RTN1: variants seen among roughly 807,000 people sequenced by gnomAD.
RTN1 encodes reticulon-1.
RTN1 carries 25 observed loss-of-function variants against 65.5 expected under a neutral mutation model. The observed-to-expected ratio is 0.38, with a 90% CI of 0.28 to 0.53. The LOEUF (loss-of-function observed/expected upper bound fraction) is 0.53. Ranked by LOEUF, RTN1 falls within the 20% of genes least tolerant of loss-of-function variation. RTN1 has a pLI of 0.79. For missense variants in RTN1, 983 were observed against 1,025.4 expected (o/e 0.96, Z 0.57); for synonymous variants, 471 against 447.6 (o/e 1.05, Z -0.66).
At chr14:59,720,630 G>A (rs1321403712) in intron 3 of RTN1, among the ~76,000 whole-genome samples, 1 of 151,940 alleles carries the variant, frequency 6.6e-6, no homozygotes, top group Non-Finnish European at 1.5e-5. Flanking sequence ...GGCTGAAGCA[G>A]GAGAATTGCT....
chr14:59,626,053 G>T (rs1222561855), intron 3 of RTN1, among the ~76,000 whole-genome samples: 2 of 151,896 alleles, frequency 1.3e-5, no homozygotes, highest in African/African-American at 4.8e-5. Flanking sequence ...AATAATAATG[G>T]GTCTAAATAA....
intron 3 of RTN1, among the ~76,000 whole-genome samples, chr14:59,670,581 T>C (rs1473909484): frequency 2.6e-5 from 4 of 152,234 alleles, no homozygotes; most frequent in Non-Finnish European, 5.9e-5. Flanking sequence ...AAAACTCACA[T>C]CTGATGTTAA....
intron 1 of RTN1, among the ~76,000 whole-genome samples, chr14:59,748,209 G>GGTTT (rs984918073): frequency 2.1e-5 from 2 of 94,582 alleles, no homozygotes; most frequent in African/African-American, 8.8e-5. Context: ...CAGTCTGTGA[G>GGTTT]GTTTTTTTTT....
intron 1 of RTN1, among the ~76,000 whole-genome samples, chr14:59,817,647 A>G (rs553798422): frequency 2.6e-4 from 39 of 150,354 alleles, no homozygotes; most frequent in African/African-American, 9.5e-4. Flanking sequence ...TTTTTTTAAG[A>G]AAGATTTTGA....
chr14:59,870,558 G>C lies in RTN1; in HGVS notation c.73C>G (p.Arg25Gly). The change falls in exon 1 of 9, where the codon CGG becomes GGG. Residue 25 changes from arginine (R) to glycine (G), a missense_variant. This residue lies in a region of RTN1 where 818 missense variants were observed against 801.8 expected (regional missense o/e 1.02). Coordinates refer to ENST00000267484, the MANE Select transcript of RTN1 (RefSeq NM_021136.3). This position sits in a 1 kb window ranked among gnomAD's most constrained non-coding sequence, Gnocchi z 5.1. Reference sequence around the variant, plus strand: ...ACCGCTTCGTTCTCCCCCTCCCCCCGGTGCCTGAGCCACTGGGACCCGGGG... The same window carrying C: ...ACCGCTTCGTTCTCCCCCTCCCCCCCGTGCCTGAGCCACTGGGACCCGGGG... The part of the protein sequence containing the change: ...AGPGSQWLRH[R>G]GEGENEAVTP... 6.9e-7 allele frequency: 1 copy of C among 1,456,658 alleles called. No homozygotes were observed. Among genetic ancestry groups the C allele is most frequent in the East Asian group, 3.1e-5 (1 of 32,746 alleles). 90.2% of individuals were successfully genotyped at this position (1,456,658 alleles called of 1,614,324 possible).
intron 2 of RTN1, among the ~76,000 whole-genome samples, chr14:59,743,263 A>T (rs1885149806): frequency 6.6e-6 from 1 of 152,154 alleles, no homozygotes; most frequent in South Asian, 2.1e-4. Context: ...AAATTCCCTA[A>T]AAATTAATGG....
intron 2 of RTN1, among the ~76,000 whole-genome samples, chr14:59,733,939 C>A (rs1425386053): frequency 6.6e-6 from 1 of 152,172 alleles, no homozygotes; most frequent in Non-Finnish European, 1.5e-5. Context: ...CTGGGTGAGA[C>A]CTCCCAACCA....
intron 1 of RTN1, among the ~76,000 whole-genome samples, chr14:59,793,636 CCA>C (rs766243780): frequency 0.061 from 8,804 of 143,718 alleles, 320 homozygotes; most frequent in Non-Finnish European, 0.084. Context: ...CAGGCACACA[CCA>C]CACACACACA....
At chr14:59,852,435 C>T (rs1183697140) in intron 1 of RTN1, among the ~76,000 whole-genome samples, 2 of 152,170 alleles carry the variant, frequency 1.3e-5, no homozygotes, top group African/African-American at 4.8e-5. Flanking sequence ...GGAGAATTAA[C>T]ATCATCTCCT....
intron 8 of RTN1, among the ~76,000 whole-genome samples, chr14:59,598,277 G>A (rs1881469505): frequency 6.6e-6 from 1 of 152,188 alleles, no homozygotes; most frequent in Admixed American, 6.5e-5. Flanking sequence ...GCTAGGATTA[G>A]AAGAAGAGTA....
rs1887084613 is a variant in RTN1 at position 59,829,200 on chromosome 14, A to G, written c.241+41190T>C. Among the ~76,000 whole-genome samples the G allele has an allele frequency of 6.6e-6, 1 of 152,138 alleles. No homozygotes were observed. The highest frequency in any genetic ancestry group is 1.5e-5 in the Non-Finnish European group (1 of 68,024). ...CTTCTACAACAATGTTTTGGGAGGG[A>G]TTTAAGGATGAATAAGATGTACTCT... On this transcript the variant is annotated intron_variant, in intron 1 of 8. Transcript: ENST00000267484. This position sits in a 1 kb window ranked among gnomAD's most constrained non-coding sequence, Gnocchi z 4.3.
intron 3 of RTN1, among the ~76,000 whole-genome samples, chr14:59,610,844 T>G (rs1881925854): frequency 6.6e-6 from 1 of 152,216 alleles, no homozygotes. Flanking sequence ...CTTGAGATAC[T>G]TTGCAGACCC....
chr14:59,672,399 T>C lies in RTN1; in HGVS notation c.1765+54520A>G, dbSNP rs547295014. On this transcript the variant is annotated intron_variant, in intron 3 of 8. Transcript: ENST00000267484. ...GTGCAGGATCTCAAAAAATGTTACT[T>C]TAAAACACTCAAATTCCAAGGATAA... Among the ~76,000 whole-genome samples the C allele has an allele frequency of 2.4e-4, 36 of 152,252 alleles. No individual in the cohort carries two copies. The East Asian group carries it at 4.8e-3, about 20-fold the overall frequency.
intron 1 of RTN1, among the ~76,000 whole-genome samples, chr14:59,814,263 G>C (rs1886780056): frequency 1.3e-5 from 2 of 152,142 alleles, no homozygotes; most frequent in Admixed American, 1.3e-4. Context: ...ATCCAGCATG[G>C]TCAAGAGCAG....
rs554156092 is a variant in RTN1, at chr14:59,844,638, G to C, written c.241+25752C>G. 2.9e-4 allele frequency among the ~76,000 whole-genome samples: 44 copies of C among 152,292 alleles called. 1 individual carries two copies. In the South Asian group the frequency reaches 8.9e-3, roughly 31 times the overall value. On this transcript the variant is annotated intron_variant, in intron 1 of 8. Transcript: ENST00000267484. ...TTTAATAGTTACAGAGTGAGTTCTA[G>C]AGATGGATGGTCACCATGGTTGCAC...
At chr14:59,823,659 C>G (rs1339697057) in intron 1 of RTN1, among the ~76,000 whole-genome samples, 1 of 152,148 alleles carries the variant, frequency 6.6e-6, no homozygotes, top group Non-Finnish European at 1.5e-5. Flanking sequence ...CTGATGAAGT[C>G]CCCTTTGCAC....
At chr14:59,624,383 A>T (rs548412868) in intron 3 of RTN1, among the ~76,000 whole-genome samples, 1 of 152,190 alleles carries the variant, frequency 6.6e-6, no homozygotes, top group Non-Finnish European at 1.5e-5. Flanking sequence ...TTAAAGAATC[A>T]TTAATGTCAA....
rs1883979619 is a variant in RTN1 at position 59,692,355 on chromosome 14, A to G, written c.1765+34564T>C. ...AAAATACCTAGGAACACATCTAACCAAAAAGGTGAAAGATCTCCACAAGGA... is the reference window on the plus strand; with the variant it reads ...AAAATACCTAGGAACACATCTAACCGAAAAGGTGAAAGATCTCCACAAGGA... On this transcript the variant is annotated intron_variant, in intron 3 of 8. Coordinates refer to ENST00000267484, the MANE Select transcript of RTN1 (RefSeq NM_021136.3). 2.0e-5 allele frequency among the ~76,000 whole-genome samples: 3 copies of G among 152,122 alleles called. No individual in the cohort carries two copies. In the South Asian group the frequency reaches 6.2e-4, roughly 32 times the overall value.
At chr14:59,682,866 C>T (rs1445105571) in intron 3 of RTN1, among the ~76,000 whole-genome samples, 2 of 152,138 alleles carry the variant, frequency 1.3e-5, no homozygotes, top group East Asian at 1.9e-4. Context: ...GTTCCTAATA[C>T]GCATGCACTA....
Sources: allele counts gnomAD v4.1 joint callset (sites outside exome capture counted in the v4.1 genomes callset), GRCh38; gene constraint gnomAD v4.1.1; regional missense constraint gnomAD v4.1.1; non-coding constraint Gnocchi (gnomAD v3.1); transcripts MANE v1.5; gene names NCBI Gene and HGNC (gene_info 2026-07-23, HGNC 2026-07-21).